Variants in REDIC1 observed in about 807,000 individuals in gnomAD.
REDIC1 encodes the protein regulator of DNA class I crossover intermediates 1.
the REDIC1 span, among the ~76,000 whole-genome samples, chr12:39,869,004 T>G: frequency 6.6e-6 from 1 of 152,104 alleles, no homozygotes; most frequent in Admixed American, 6.5e-5. Context: ...TAAATCATAG[T>G]AAGAACACAA....
the REDIC1 span, among the ~76,000 whole-genome samples, chr12:39,669,373 T>G: frequency 1.6e-4 from 24 of 152,166 alleles, no homozygotes; most frequent in Non-Finnish European, 2.8e-4. Flanking sequence ...CAGCAGATAT[T>G]GGTGAGAAGC....
At chr12:39,724,955 A>AT in the REDIC1 span, among the ~76,000 whole-genome samples, 1 of 152,116 alleles carries the variant, frequency 6.6e-6, no homozygotes, top group East Asian at 1.9e-4. Context: ...ATTTGAAGAG[A>AT]TAATAGCTGA....
the REDIC1 span, chr12:39,759,177 A>AAGAT: frequency 6.6e-6 from 1 of 152,536 alleles, no homozygotes; most frequent in Non-Finnish European, 1.5e-5. Flanking sequence ...TATACAGTTA[A>AAGAT]AGATCTGGCA....
At chr12:39,636,400 A>G in the REDIC1 span, among the ~76,000 whole-genome samples, 1 of 152,098 alleles carries the variant, frequency 6.6e-6, no homozygotes, top group African/African-American at 2.4e-5. Flanking sequence ...ATAACATTCT[A>G]ACATATATCA....
the REDIC1 span, among the ~76,000 whole-genome samples, chr12:39,702,756 C>A: frequency 1.3e-5 from 2 of 152,062 alleles, no homozygotes; most frequent in Non-Finnish European, 2.9e-5. Context: ...GGACTTCATC[C>A]CTGGGATGCA....
the REDIC1 span, among the ~76,000 whole-genome samples, chr12:39,816,756 T>A: frequency 6.6e-6 from 1 of 152,080 alleles, no homozygotes; most frequent in Non-Finnish European, 1.5e-5. Flanking sequence ...TTGGTTATGC[T>A]GCAAGAACCT....
At chr12:39,704,418 A>T in the REDIC1 span, among the ~76,000 whole-genome samples, 1 of 152,078 alleles carries the variant, frequency 6.6e-6, no homozygotes, top group African/African-American at 2.4e-5. Flanking sequence ...AAAGTCAGGA[A>T]ACAACAGGTG....
chr12:39,778,382 G>C, the REDIC1 span, among the ~76,000 whole-genome samples: 4 of 152,148 alleles, frequency 2.6e-5, no homozygotes, highest in Non-Finnish European at 5.9e-5. Flanking sequence ...TTGGGGGCCA[G>C]CTGTAGGGAT....
chr12:39,839,951 C>G, the REDIC1 span, among the ~76,000 whole-genome samples: 1 of 152,074 alleles, frequency 6.6e-6, no homozygotes, highest in Non-Finnish European at 1.5e-5. Flanking sequence ...GATTGCAGAA[C>G]ATTCATATTT....
At chr12:39,734,922 G>A in the REDIC1 span, among the ~76,000 whole-genome samples, 1 of 152,142 alleles carries the variant, frequency 6.6e-6, no homozygotes, top group African/African-American at 2.4e-5. Context: ...TCTCAATTTG[G>A]AGAAGAACTG....
chr12:39,632,829 A>G, the REDIC1 span, among the ~76,000 whole-genome samples: 1 of 152,214 alleles, frequency 6.6e-6, no homozygotes, highest in Non-Finnish European at 1.5e-5. Flanking sequence ...ATCTTAATAT[A>G]GAAAAGATGC....
At chr12:39,640,167 C>G in the REDIC1 span, among the ~76,000 whole-genome samples, 1 of 151,330 alleles carries the variant, frequency 6.6e-6, no homozygotes. Flanking sequence ...GAGGGGATGG[C>G]TCTGGAAGGT....
the REDIC1 span, among the ~76,000 whole-genome samples, chr12:39,885,919 G>C: frequency 6.6e-6 from 1 of 152,078 alleles, no homozygotes; most frequent in Non-Finnish European, 1.5e-5. Context: ...AAAAAAGTCA[G>C]GTTTTGTGAC....
the REDIC1 span, among the ~76,000 whole-genome samples, chr12:39,750,636 G>A: frequency 6.6e-6 from 1 of 152,154 alleles, no homozygotes; most frequent in African/African-American, 2.4e-5. Context: ...AAAGCTGGAG[G>A]CATCACACTA....
chr12:39,653,523 T>G, the REDIC1 span, among the ~76,000 whole-genome samples: 1 of 58,660 alleles, frequency 1.7e-5, no homozygotes, highest in African/African-American at 5.0e-5. Context: ...TTCTTCTTCT[T>G]CTTCTTCTTC....
the REDIC1 span, among the ~76,000 whole-genome samples, chr12:39,716,512 ACTTACGTTATATACC>A: frequency 6.6e-6 from 1 of 152,010 alleles, no homozygotes; most frequent in Non-Finnish European, 1.5e-5. Context: ...TGTTTTCTTC[ACTTACGTTATATACC>A]CTTATTTCAT....
chr12:39,752,920 A>C, the REDIC1 span, among the ~76,000 whole-genome samples: 1 of 152,300 alleles, frequency 6.6e-6, no homozygotes, highest in East Asian at 1.9e-4. Flanking sequence ...CTGAAAAATC[A>C]CCTGCAGAGT....
At chr12:39,650,487 T>G in the REDIC1 span, 2 of 1,192,522 alleles carry the variant, frequency 1.7e-6, no homozygotes, top group Non-Finnish European at 2.2e-6. This position sits in a 1 kb window ranked among gnomAD's most constrained non-coding sequence, Gnocchi z 4.3. Context: ...TAGAAAAAAA[T>G]TCAAAAAGTA....
the REDIC1 span, among the ~76,000 whole-genome samples, chr12:39,854,210 C>T: frequency 1.3e-5 from 2 of 152,074 alleles, no homozygotes; most frequent in Admixed American, 1.3e-4. Context: ...TATAATCCGT[C>T]TGATCCTTAG....
Sources: gnomAD v4.1 joint callset for allele counts (sites outside exome capture counted in the v4.1 genomes callset) on GRCh38, gnomAD v4.1.1 for gene constraint, Gnocchi (gnomAD v3.1) non-coding constraint, MANE v1.5 for transcripts, NCBI Gene and HGNC (gene_info 2026-07-23, HGNC 2026-07-21) for gene names.